Variants in CHL1 observed in about 807,000 individuals in gnomAD.
CHL1 encodes cell adhesion molecule L1 like.
In CHL1, 96 loss-of-function variants were observed where a neutral mutation model predicts 141.9. The observed-to-expected ratio is 0.68, with a 90% CI of 0.57 to 0.80. The LOEUF (loss-of-function observed/expected upper bound fraction) is 0.80, where lower values mean the gene tolerates loss of function less well. Among genes scored for constraint, CHL1 ranks in the 30% least tolerant of loss-of-function variants. The pLI, the probability that CHL1 is intolerant of heterozygous loss-of-function variation, is 0.00. For missense variants in CHL1, 1,820 were observed against 1,457.2 expected (o/e 1.25, Z -4.05); for synonymous variants, 613 against 502.2 (o/e 1.22, Z -2.95).
intron 10 of CHL1, among the ~76,000 whole-genome samples, chr3:351,880 T>C (rs942075789): frequency 6.6e-6 from 1 of 152,152 alleles, no homozygotes; most frequent in African/African-American, 2.4e-5. Flanking sequence ...ATATTCTAAA[T>C]ATCTAAGATA....
chr3:277,623 CA>C (rs574151526), intron 2 of CHL1, among the ~76,000 whole-genome samples: 1 of 151,770 alleles, frequency 6.6e-6, no homozygotes, highest in African/African-American at 2.4e-5. Context: ...GAAAAAAATG[CA>C]AAAAAAGGGC....
chr3:359,715 A>T (rs995320073), intron 11 of CHL1, among the ~76,000 whole-genome samples: 3 of 152,182 alleles, frequency 2.0e-5, no homozygotes, highest in Admixed American at 1.3e-4. Context: ...TCTCAAGAAG[A>T]GTTTAGTCTT....
intron 9 of CHL1, 151 bp from the exon 10 acceptor site, chr3:349,208 G>A (rs757829078): frequency 1.6e-6 from 1 of 642,926 alleles, no homozygotes; most frequent in Non-Finnish European, 2.7e-6. Context: ...TTGGTGGTGG[G>A]TGTGTCTGTC....
At chr3:311,720 G>C (rs190020977) in intron 2 of CHL1, among the ~76,000 whole-genome samples, 1 of 152,198 alleles carries the variant, frequency 6.6e-6, no homozygotes, top group African/African-American at 2.4e-5. Context: ...CTTAAGAAAT[G>C]TGAAAAGTGG....
chr3:299,812 G>A (rs970439084), intron 2 of CHL1, among the ~76,000 whole-genome samples: 1 of 152,102 alleles, frequency 6.6e-6, no homozygotes, highest in Non-Finnish European at 1.5e-5. Flanking sequence ...GTATATCAGT[G>A]TGCCTCTGCG....
rs906831001 is a variant in CHL1, at chr3:406,903, A to G, written c.*1192A>G. ...AATAGGTTTTTATTGTTGAATGTAC[A>G]TCTACCCCAGCCCCTCAAAAGAAAA... On this transcript the variant is annotated 3_prime_UTR_variant, in exon 28 of 28. Coordinates refer to ENST00000256509, the MANE Select transcript of CHL1 (RefSeq NM_006614.4). 6 of 152,160 alleles carry G rather than the reference A, an allele frequency of 3.9e-5. No homozygotes were observed. Among genetic ancestry groups the G allele is most frequent in the Non-Finnish European group, 8.8e-5 (6 of 68,018 alleles). 9.4% of individuals were successfully genotyped at this position (152,160 alleles called of 1,614,324 possible).
At chr3:308,083 G>A (rs970604593) in intron 2 of CHL1, among the ~76,000 whole-genome samples, 2 of 152,152 alleles carry the variant, frequency 1.3e-5, no homozygotes, top group African/African-American at 4.8e-5. Flanking sequence ...GCAATGTTCA[G>A]CTCAGTGTTT....
chr3:280,754 T>G (rs1352018719), intron 2 of CHL1, among the ~76,000 whole-genome samples: 2 of 152,112 alleles, frequency 1.3e-5, no homozygotes, highest in East Asian at 1.9e-4. Flanking sequence ...TAGGAAAAAT[T>G]TGGTTGGTTG....
chr3:273,347 C>T (rs925555461), intron 2 of CHL1, among the ~76,000 whole-genome samples: 2 of 152,158 alleles, frequency 1.3e-5, no homozygotes, highest in Non-Finnish European at 2.9e-5. Context: ...AAGGAGAGTT[C>T]CTTACCCAAG....
intron 2 of CHL1, among the ~76,000 whole-genome samples, chr3:250,957 A>T (rs760895322): frequency 3.7e-4 from 57 of 152,166 alleles, no homozygotes; most frequent in Non-Finnish European, 6.8e-4. Context: ...GGTTGAAGAT[A>T]CAGTCGCAAA....
chr3:329,572 A>T (rs1371966844), intron 5 of CHL1, among the ~76,000 whole-genome samples: 1 of 151,984 alleles, frequency 6.6e-6, no homozygotes, highest in Non-Finnish European at 1.5e-5. Flanking sequence ...AGGGAAGAAA[A>T]AATAAAGGAG....
intron 2 of CHL1, among the ~76,000 whole-genome samples, chr3:318,689 T>A (rs1700320059): frequency 6.6e-6 from 1 of 151,372 alleles, no homozygotes; most frequent in Admixed American, 6.6e-5. Context: ...TTTGTAAATT[T>A]CAGTTAAAAT....
intron 1 of CHL1, among the ~76,000 whole-genome samples, chr3:226,305 T>A (rs1180835852): frequency 1.3e-5 from 2 of 148,498 alleles, no homozygotes; most frequent in Non-Finnish European, 3.0e-5. Context: ...CAAAGTAGGA[T>A]TACAGGCATG....
chr3:269,312 C>T (rs1695431451), intron 2 of CHL1, among the ~76,000 whole-genome samples: 1 of 152,134 alleles, frequency 6.6e-6, no homozygotes, highest in Admixed American at 6.6e-5. Flanking sequence ...ATCATTTGTA[C>T]AGACTGGTGC....
At chr3:248,340 A>G (rs1574852136) in intron 2 of CHL1, 1 of 152,140 alleles carries the variant, frequency 6.6e-6, no homozygotes, top group East Asian at 1.9e-4. Flanking sequence ...TTAAGTCACT[A>G]GGAAAATGAC....
At chr3:246,305 C>T (rs1048072967) in intron 2 of CHL1, among the ~76,000 whole-genome samples, 1 of 151,918 alleles carries the variant, frequency 6.6e-6, no homozygotes, top group African/African-American at 2.4e-5. Flanking sequence ...TGGATGGTAA[C>T]CCGCAAAACA....
At chr3:231,300 C>T (rs1430779557) in intron 1 of CHL1, among the ~76,000 whole-genome samples, 3 of 151,392 alleles carry the variant, frequency 2.0e-5, no homozygotes, top group African/African-American at 7.3e-5. Context: ...TTCCTTCCTC[C>T]TTCCTCTCCT....
intron 2 of CHL1, among the ~76,000 whole-genome samples, chr3:316,317 G>T (rs1459980126): frequency 1.3e-5 from 2 of 151,970 alleles, no homozygotes; most frequent in East Asian, 3.9e-4. Flanking sequence ...CTCACTATCT[G>T]CCTAAGTAAT....
intron 15 of CHL1, among the ~76,000 whole-genome samples, chr3:372,127 T>G (rs552233854): frequency 6.6e-6 from 1 of 152,174 alleles, no homozygotes; most frequent in South Asian, 2.1e-4. Flanking sequence ...GTGTACTCTG[T>G]ATTTCCTTAA....
Sources: allele counts gnomAD v4.1 joint callset (sites outside exome capture counted in the v4.1 genomes callset), GRCh38; gene constraint gnomAD v4.1.1; transcripts MANE v1.5; gene names NCBI Gene and HGNC (gene_info 2026-07-23, HGNC 2026-07-21).